Variants in KCNH7 observed in about 807,000 individuals in gnomAD.
KCNH7 encodes potassium voltage-gated channel subfamily H member 7, also known as voltage-gated inwardly rectifying potassium channel KCNH7.
KCNH7 carries 49 observed loss-of-function variants against 120.8 expected under a neutral mutation model. That is an observed-to-expected ratio of 0.41 (90% CI 0.32 to 0.51). KCNH7 has a LOEUF of 0.51. KCNH7 is among the 20% of genes least tolerant of loss of function. The pLI is 0.38. For missense variants in KCNH7, 1,097 were observed against 1,446.6 expected (o/e 0.76, Z 3.92); for synonymous variants, 547 against 516.1 (o/e 1.06, Z -0.81).
At chr2:162,580,688 C>T (rs1032792349) in intron 2 of KCNH7, among the ~76,000 whole-genome samples, 4 of 152,000 alleles carry the variant, frequency 2.6e-5, no homozygotes, top group African/African-American at 9.7e-5. Flanking sequence ...AGAAAGAGGA[C>T]TGGAGAGAAG....
At chr2:162,576,195 T>C (rs1338174976) in intron 2 of KCNH7, among the ~76,000 whole-genome samples, 1 of 152,110 alleles carries the variant, frequency 6.6e-6, no homozygotes, top group Non-Finnish European at 1.5e-5. Flanking sequence ...TTTCTAACTG[T>C]GATTTTACTA....
At chr2:162,653,814 G>GAACAGAAT (rs1241492551) in intron 2 of KCNH7, among the ~76,000 whole-genome samples, 1 of 152,102 alleles carries the variant, frequency 6.6e-6, no homozygotes, top group Non-Finnish European at 1.5e-5. Flanking sequence ...TGGACCAATG[G>GAACAGAAT]AACAGAATAG....
At chr2:162,417,150 G>A (rs1406674293) in intron 9 of KCNH7, among the ~76,000 whole-genome samples, 1 of 152,138 alleles carries the variant, frequency 6.6e-6, no homozygotes. Flanking sequence ...CACTGGATAT[G>A]ACTTCTACTA....
chr2:162,753,582 T>C (rs1338627329), intron 2 of KCNH7, among the ~76,000 whole-genome samples: 2 of 152,146 alleles, frequency 1.3e-5, no homozygotes, highest in Non-Finnish European at 2.9e-5. Flanking sequence ...GAATGCCTTA[T>C]ATTTTTTTTC....
Position 162,754,230 on chromosome 2 carries a change from T to C in KCNH7, c.307+82307A>G, listed in dbSNP as rs187288530. Among the ~76,000 whole-genome samples the C allele has an allele frequency of 1.5e-3, 235 of 152,062 alleles. 1 individual carries two copies. The highest frequency in any genetic ancestry group is 5.2e-3 in the African/African-American group (217 of 41,494). ...AAAACAGAGAGGGGAGAAAGGAGATTACTACAATAGATCAAGAGGCAGCAG... is the reference window on the plus strand; with the variant it reads ...AAAACAGAGAGGGGAGAAAGGAGATCACTACAATAGATCAAGAGGCAGCAG... On this transcript the variant is annotated intron_variant, in intron 2 of 15. Coordinates refer to ENST00000332142, the MANE Select transcript of KCNH7 (RefSeq NM_033272.4).
intron 6 of KCNH7, among the ~76,000 whole-genome samples, chr2:162,455,149 G>C (rs766377024): frequency 2.1e-4 from 32 of 152,058 alleles, no homozygotes; most frequent in Non-Finnish European, 4.3e-4. Context: ...AAACATGTAG[G>C]GATGTTGAAT....
intron 4 of KCNH7, among the ~76,000 whole-genome samples, chr2:162,515,578 G>A (rs541301966): frequency 6.6e-6 from 1 of 151,864 alleles, no homozygotes; most frequent in Non-Finnish European, 1.5e-5. Flanking sequence ...ATTGCTAAAA[G>A]TGACTACACT....
At chr2:162,692,895 A>C in intron 2 of KCNH7, among the ~76,000 whole-genome samples, 1 of 152,300 alleles carries the variant, frequency 6.6e-6, no homozygotes, top group African/African-American at 2.4e-5. Context: ...AAAGGGAGAG[A>C]CACAGAAGTT....
chr2:162,376,219 G>A (rs1233632602), intron 14 of KCNH7, among the ~76,000 whole-genome samples: 1 of 152,008 alleles, frequency 6.6e-6, no homozygotes, highest in Non-Finnish European at 1.5e-5. Flanking sequence ...GACAAATGAA[G>A]GAGGTGCATA....
chr2:162,759,212 C>G (rs1017033519), intron 2 of KCNH7, among the ~76,000 whole-genome samples: 1 of 152,054 alleles, frequency 6.6e-6, no homozygotes, highest in Non-Finnish European at 1.5e-5. Context: ...CTTGGGACTT[C>G]TGGATTGAAA....
Position 162,832,427 on chromosome 2 carries a change from A to G in KCNH7, c.307+4110T>C, listed in dbSNP as rs936697277. On this transcript the variant is annotated intron_variant, in intron 2 of 15. Transcript: ENST00000332142. ...TTCTTTAATACATTATTATGTATAC[A>G]TGACAATGGTGAAAAGAAGATACAC... Among the ~76,000 whole-genome samples, 2 of 152,168 alleles carry G rather than the reference A, an allele frequency of 1.3e-5. 1 individual carries two copies. Among genetic ancestry groups the G allele is most frequent in the Admixed American group, 1.3e-4 (2 of 15,256 alleles).
chr2:162,512,640 A>G lies in KCNH7; in HGVS notation c.913+14T>C, dbSNP rs1439133152. On this transcript the variant is annotated intron_variant, in intron 5 of 15. Coordinates refer to ENST00000332142, the MANE Select transcript of KCNH7 (RefSeq NM_033272.4). ...GTTGAACATCAGATGGTGAAATTTGAGTTTGTACATTACCTTTGACATTGC... is the reference window on the plus strand; with the variant it reads ...GTTGAACATCAGATGGTGAAATTTGGGTTTGTACATTACCTTTGACATTGC... The G allele has an allele frequency of 1.6e-5, 26 of 1,607,862 alleles. No homozygotes were observed. Among genetic ancestry groups the G allele is most frequent in the Non-Finnish European group, 2.0e-5 (24 of 1,175,950 alleles).
chr2:162,631,743 T>C (rs1233591162), intron 2 of KCNH7, among the ~76,000 whole-genome samples: 1 of 151,872 alleles, frequency 6.6e-6, no homozygotes, highest in Non-Finnish European at 1.5e-5. Flanking sequence ...CAGAAAGAAA[T>C]TGATAGCTTA....
At chr2:162,694,468 G>T (rs541952062) in intron 2 of KCNH7, among the ~76,000 whole-genome samples, 3 of 144,852 alleles carry the variant, frequency 2.1e-5, no homozygotes, top group African/African-American at 5.7e-5. Flanking sequence ...GTGTGGGTAT[G>T]TGTGAAAGAG....
chr2:162,466,287 C>T (rs1015542689), intron 6 of KCNH7, among the ~76,000 whole-genome samples: 1 of 152,034 alleles, frequency 6.6e-6, no homozygotes, highest in Admixed American at 6.6e-5. Context: ...AAGAACCGCC[C>T]AAGACTGGGT....
chr2:162,506,102 A>C (rs567147356), intron 5 of KCNH7, among the ~76,000 whole-genome samples: 88 of 151,886 alleles, frequency 5.8e-4, no homozygotes, highest in African/African-American at 2.1e-3. Flanking sequence ...ATTTCTGTTG[A>C]CTCCCTGAGT....
intron 2 of KCNH7, among the ~76,000 whole-genome samples, chr2:162,691,310 T>C (rs1686094248): frequency 6.6e-6 from 1 of 152,160 alleles, no homozygotes; most frequent in Non-Finnish European, 1.5e-5. Flanking sequence ...CTATTTATAT[T>C]TTAGGCTTTA....
At chr2:162,380,892 T>C (rs1686395955) in intron 13 of KCNH7, among the ~76,000 whole-genome samples, 1 of 152,166 alleles carries the variant, frequency 6.6e-6, no homozygotes, top group Admixed American at 6.6e-5. Context: ...GATTCATTTT[T>C]CTGAACTTCT....
chr2:162,660,041 G>T (rs1272479250), intron 2 of KCNH7, among the ~76,000 whole-genome samples: 1 of 151,966 alleles, frequency 6.6e-6, no homozygotes, highest in Non-Finnish European at 1.5e-5. Context: ...TGCCTAGAGG[G>T]TTATCAATTG....
Sources: allele counts gnomAD v4.1 joint callset (sites outside exome capture counted in the v4.1 genomes callset), GRCh38; gene constraint gnomAD v4.1.1; transcripts MANE v1.5; gene names NCBI Gene and HGNC (gene_info 2026-07-23, HGNC 2026-07-21).